The following LMX1A variants were observed in gnomAD, a reference collection of about 807,000 sequenced individuals.
LMX1A encodes the protein LIM homeobox transcription factor 1 alpha, also known as LIM homeobox transcription factor 1-alpha.
A neutral mutation model predicts 49.1 loss-of-function variants in LMX1A; 15 were observed. That is an observed-to-expected ratio of 0.31 (90% confidence interval 0.20 to 0.47). The LOEUF is 0.47. Ranked by LOEUF, LMX1A falls within the 20% of genes least tolerant of loss-of-function variation. The pLI is 1.00. For synonymous variants in LMX1A, 167 were observed against 185.7 expected (o/e 0.90, Z 0.82); for missense variants, 372 against 475.8 (o/e 0.78, Z 2.03).
Position 165,203,834 on chromosome 1 carries a change from T to C in LMX1A, c.*46A>G. ...AAAGCCAGTGACCCCTCAAAGAATA[T>C]GGTTGTTCCATATGGGAGCCTAGTC... On this transcript the variant is annotated 3_prime_UTR_variant, in exon 9 of 9. Transcript: ENST00000342310. 11 of 1,597,832 alleles carry C rather than the reference T, an allele frequency of 6.9e-6. No homozygotes were observed. Among genetic ancestry groups the C allele is most frequent in the Non-Finnish European group, 9.4e-6 (11 of 1,166,170 alleles).
At chr1:165,299,421 T>C (rs982276470) in intron 3 of LMX1A, among the ~76,000 whole-genome samples, 5 of 152,224 alleles carry the variant, frequency 3.3e-5, no homozygotes, top group African/African-American at 1.2e-4. Flanking sequence ...CATGGGGCCA[T>C]GCTCTCTATC....
chr1:165,228,815 A>G (rs1397978942), intron 4 of LMX1A, among the ~76,000 whole-genome samples: 1 of 152,192 alleles, frequency 6.6e-6, no homozygotes, highest in African/African-American at 2.4e-5. Flanking sequence ...CCAGGAGGCC[A>G]CATGCAAAAA....
chr1:165,209,894 C>T lies in LMX1A; in HGVS notation c.747+805G>A, dbSNP rs561048553. On this transcript the variant is annotated intron_variant, in intron 6 of 8. Coordinates refer to ENST00000342310, the MANE Select transcript of LMX1A (RefSeq NM_177398.4). ...ATTGGCATTTGAAGAGGAGGGCAGT[C>T]TTGTGGGGCTGAACCCTCAACCTGT... Among the ~76,000 whole-genome samples the T allele has an allele frequency of 3.3e-5, 5 of 152,296 alleles. No homozygotes were observed. The East Asian group carries it at 9.7e-4, about 29-fold the overall frequency.
At chr1:165,335,976 C>A (rs1228557996) in intron 3 of LMX1A, among the ~76,000 whole-genome samples, 1 of 151,734 alleles carries the variant, frequency 6.6e-6, no homozygotes, top group Non-Finnish European at 1.5e-5. Context: ...CCCACGTGAG[C>A]CTACTCTGCA....
intron 3 of LMX1A, among the ~76,000 whole-genome samples, chr1:165,316,021 TTATAA>T (rs1457085099): frequency 6.6e-6 from 1 of 152,216 alleles, no homozygotes; most frequent in Non-Finnish European, 1.5e-5. Flanking sequence ...TGGACGTCTC[TTATAA>T]TAGAGTGCCA....
chr1:165,223,809 T>TAAAAAA (rs34471342), intron 4 of LMX1A, among the ~76,000 whole-genome samples: 2 of 144,836 alleles, frequency 1.4e-5, no homozygotes, highest in African/African-American at 2.5e-5. Context: ...GTACAAACTT[T>TAAAAAA]AAAAAAAAAA....
chr1:165,236,879 A>G (rs1013236418), intron 4 of LMX1A, among the ~76,000 whole-genome samples: 1 of 149,450 alleles, frequency 6.7e-6, no homozygotes, highest in Non-Finnish European at 1.5e-5. Context: ...GTACATAAGT[A>G]GAACAAGTCT....
Position 165,201,868 on chromosome 1 carries a change from C to A in LMX1A, c.*2012G>T, listed in dbSNP as rs1557844652. The A allele has an allele frequency of 1.3e-5, 2 of 152,230 alleles. No individual in the cohort carries two copies. The highest frequency in any genetic ancestry group is 2.9e-5 in the Non-Finnish European group (2 of 68,046). The allele number at this position is 152,230 out of a possible 1,614,324, so 9.4% of individuals were successfully genotyped here. ...TCCCACCCCTGAATAAACAACAGCT[C>A]ATTTGTAAGAGATTTTAATTTCATC... On this transcript the variant is annotated 3_prime_UTR_variant, in exon 9 of 9. Coordinates refer to ENST00000342310, the MANE Select transcript of LMX1A (RefSeq NM_177398.4).
At position 165,308,363 on chromosome 1, in the gene LMX1A, T is replaced by C. The variant is rs10918146; in HGVS notation, c.263+44713A>G. Among the ~76,000 whole-genome samples, 4 of 152,156 alleles carry C rather than the reference T, an allele frequency of 2.6e-5. No homozygotes were observed. In the East Asian group the frequency reaches 7.7e-4, roughly 29 times the overall value. On this transcript the variant is annotated intron_variant, in intron 3 of 8. Transcript: ENST00000342310. ...CCAGTGCAAATGGAAATGGTAAGAA[T>C]TGCAGCAAGAAACAGACAGAATCAT... is the stretch of plus-strand genomic sequence containing the variant.
rs77009432 is a variant in LMX1A, at chr1:165,246,196, T to C, written c.496+3212A>G. Among the ~76,000 whole-genome samples, 5 of 152,312 alleles carry C rather than the reference T, an allele frequency of 3.3e-5. No homozygotes were observed. The East Asian group carries it at 9.6e-4, about 29-fold the overall frequency. On this transcript the variant is annotated intron_variant, in intron 4 of 8. Coordinates refer to ENST00000342310, the MANE Select transcript of LMX1A (RefSeq NM_177398.4). Reference sequence around the variant, plus strand: ...ACTTACTCTTCTCTTGGCATCATGCTAAGCTTTGTTAAGGAAACAAAGCAA... The same window carrying C: ...ACTTACTCTTCTCTTGGCATCATGCCAAGCTTTGTTAAGGAAACAAAGCAA...
rs570442305 is a variant in LMX1A, at chr1:165,222,607, G to A, written c.497-8794C>T. Among the ~76,000 whole-genome samples the A allele has an allele frequency of 4.6e-5, 7 of 152,278 alleles. No individual in the cohort carries two copies. In the East Asian group the frequency reaches 1.2e-3, roughly 25 times the overall value. ...ATCCTGTAGGTGGTTAGGAAGGTGC[G>A]GTAAGTTGACTAACACTCAAAATGT... is the stretch of plus-strand genomic sequence containing the variant. On this transcript the variant is annotated intron_variant, in intron 4 of 8. Transcript: ENST00000342310.
chr1:165,221,650 G>A (rs560209713), intron 4 of LMX1A, among the ~76,000 whole-genome samples: 76 of 152,306 alleles, frequency 5.0e-4, no homozygotes, highest in Middle Eastern at 3.4e-3. Flanking sequence ...CAGCTCAGAC[G>A]TCCAGGCAGG....
intron 3 of LMX1A, among the ~76,000 whole-genome samples, chr1:165,253,903 A>G (rs1168432128): frequency 6.6e-6 from 1 of 152,028 alleles, no homozygotes. Context: ...TCCTTTGACT[A>G]TTTGCCTTGA....
chr1:165,354,408 A>G (rs71628378), intron 2 of LMX1A, among the ~76,000 whole-genome samples: 13,658 of 152,166 alleles, frequency 0.09, 786 homozygotes, highest in Admixed American at 0.14. Flanking sequence ...ACGTGGGCCG[A>G]GCGGAGGACA....
At chr1:165,311,818 C>T (rs1157140697) in intron 3 of LMX1A, among the ~76,000 whole-genome samples, 1 of 152,118 alleles carries the variant, frequency 6.6e-6, no homozygotes, top group African/African-American at 2.4e-5. Flanking sequence ...GCTATAAGGC[C>T]CAATTCCCTC....
At chr1:165,339,850 T>C (rs1220110903) in intron 3 of LMX1A, among the ~76,000 whole-genome samples, 2 of 152,184 alleles carry the variant, frequency 1.3e-5, no homozygotes, top group African/African-American at 4.8e-5. Flanking sequence ...CTGTCCCTCC[T>C]GGATCTTCAA....
intron 3 of LMX1A, among the ~76,000 whole-genome samples, chr1:165,320,221 A>G (rs1655345239): frequency 1.3e-5 from 2 of 152,174 alleles, no homozygotes; most frequent in Non-Finnish European, 2.9e-5. Context: ...AGGCAGTACT[A>G]CTGATAAATA....
rs1283414186 is a variant in LMX1A at position 165,355,810 on chromosome 1, TC to T, written c.-22-230del. ...AGTCAACACGTTATGTACTTAGGCC[TC>T]CGCCCCCCAACTGCGTTTCTCCTTC... is the stretch of plus-strand genomic sequence containing the variant. On this transcript the variant is annotated intron_variant, in intron 1 of 8. Transcript: ENST00000342310. This position sits in a 1 kb window ranked among gnomAD's most constrained non-coding sequence, Gnocchi z 4.7. The T allele has an allele frequency of 1.8e-5, 9 of 504,506 alleles. No homozygotes were observed. The allele number at this position is 504,506 out of a possible 1,614,324, so 31.3% of individuals were successfully genotyped here.
chr1:165,305,885 A>T (rs1571213094), intron 3 of LMX1A, among the ~76,000 whole-genome samples: 1 of 152,202 alleles, frequency 6.6e-6, no homozygotes, highest in East Asian at 1.9e-4. Context: ...GCCATAGCAC[A>T]TGCAAAACGA....
Sources: gnomAD v4.1 joint callset for allele counts (sites outside exome capture counted in the v4.1 genomes callset) on GRCh38, gnomAD v4.1.1 for gene constraint, Gnocchi (gnomAD v3.1) non-coding constraint, MANE v1.5 for transcripts, NCBI Gene and HGNC (gene_info 2026-07-23, HGNC 2026-07-21) for gene names.